The following DMD variants were observed in gnomAD, a reference collection of about 807,000 sequenced individuals.
The protein encoded by DMD is dystrophin, also known as mutant dystrophin.
DMD carries 63 observed loss-of-function variants against 330.1 expected under a neutral mutation model. That is an observed-to-expected ratio of 0.19 (90% CI 0.16 to 0.24). The LOEUF (loss-of-function observed/expected upper bound fraction) is 0.24. Among genes scored for constraint, DMD ranks in the 10% least tolerant of loss-of-function variants. The probability of loss-of-function intolerance (pLI) is 1.00; values close to 1 mark genes in which losing one functional copy is unlikely to be tolerated. For synonymous variants in DMD, 1,223 were observed against 959.8 expected (o/e 1.27, Z -5.07); for missense variants, 3,344 against 2,684.1 (o/e 1.25, Z -5.43).
chrX:31,731,508 G>A (rs1603452526), intron 51 of DMD, among the ~76,000 whole-genome samples: 1 of 111,804 alleles, frequency 8.9e-6, no homozygotes, highest in African/African-American at 3.2e-5. Context: ...CTCAGATGAA[G>A]TCAAATTTTC....
chrX:31,217,507 C>A (rs751901985), intron 64 of DMD, among the ~76,000 whole-genome samples: 26 of 112,202 alleles, frequency 2.3e-4, no homozygotes, highest in African/African-American at 8.1e-4. Flanking sequence ...AAACTCTTCA[C>A]TGGCACCAGG....
At chrX:31,619,158 C>T (rs1237787711) in intron 55 of DMD, among the ~76,000 whole-genome samples, 1 of 111,285 alleles carries the variant, frequency 9.0e-6, no homozygotes, top group East Asian at 2.8e-4. Context: ...GAAAAGTAAA[C>T]ATTTATTGTG....
chrX:32,649,859 A>G (rs1018023425), intron 9 of DMD, among the ~76,000 whole-genome samples: 1 of 111,305 alleles, frequency 9.0e-6, no homozygotes, highest in Non-Finnish European at 1.9e-5. Flanking sequence ...TACCCCATCT[A>G]TAAAACAAGA....
chrX:31,961,497 A>G (rs1480236675), intron 45 of DMD, among the ~76,000 whole-genome samples: 2 of 111,905 alleles, frequency 1.8e-5, no homozygotes, highest in African/African-American at 6.5e-5. Context: ...CTCTGCCCTC[A>G]TGAAGCTTTT....
intron 77 of DMD, among the ~76,000 whole-genome samples, chrX:31,126,948 A>G (rs2033802789): frequency 9.0e-6 from 1 of 111,713 alleles, no homozygotes; most frequent in African/African-American, 3.3e-5. Context: ...TCACGCATTA[A>G]ACTGGATGAA....
intron 43 of DMD, among the ~76,000 whole-genome samples, chrX:32,281,227 T>A (rs902312528): frequency 4.5e-5 from 5 of 111,726 alleles, no homozygotes; most frequent in Non-Finnish European, 9.4e-5. Context: ...TGGAAAATAC[T>A]TTCTCTAAAG....
chrX:31,587,211 G>A (rs2076651666), intron 55 of DMD, among the ~76,000 whole-genome samples: 1 of 111,309 alleles, frequency 9.0e-6, no homozygotes, highest in Admixed American at 9.5e-5. Context: ...GTTGTTCGAA[G>A]GAAACACAAT....
At chrX:33,288,000 C>G (rs111440885) in intron 1 of DMD, among the ~76,000 whole-genome samples, 1 of 111,692 alleles carries the variant, frequency 9.0e-6, no homozygotes, top group East Asian at 2.8e-4. Flanking sequence ...AGTGAAAGAG[C>G]CTCCTCGAGG....
At chrX:32,841,350 T>C (rs754868083) in intron 4 of DMD, among the ~76,000 whole-genome samples, 1 of 111,854 alleles carries the variant, frequency 8.9e-6, no homozygotes, top group East Asian at 2.8e-4. Context: ...AATGTACATG[T>C]AAATGGAAAA....
chrX:32,657,601 G>T (rs1376975065), intron 9 of DMD, among the ~76,000 whole-genome samples: 2 of 111,975 alleles, frequency 1.8e-5, no homozygotes, highest in African/African-American at 6.5e-5. Context: ...GATTCATGAA[G>T]TCCAGAGAAG....
At chrX:31,601,297 G>A (rs2077357056) in intron 55 of DMD, among the ~76,000 whole-genome samples, 1 of 112,106 alleles carries the variant, frequency 8.9e-6, no homozygotes. Context: ...CAATAATCAT[G>A]TTGTAAATAA....
chrX:31,335,633 G>T (rs1292430389), intron 61 of DMD, among the ~76,000 whole-genome samples: 1 of 111,821 alleles, frequency 8.9e-6, no homozygotes, highest in Non-Finnish European at 1.9e-5. Context: ...TCATGAGGTT[G>T]GACACCTTAA....
intron 29 of DMD, among the ~76,000 whole-genome samples, chrX:32,413,088 C>A (rs16990323): frequency 1.8e-5 from 2 of 110,527 alleles, no homozygotes; most frequent in East Asian, 2.9e-4. Flanking sequence ...AGATTTTATC[C>A]TGGGCTTTCC....
intron 12 of DMD, among the ~76,000 whole-genome samples, chrX:32,600,598 G>GCACGCA (rs1556840611): frequency 1.0e-5 from 1 of 95,290 alleles, no homozygotes; most frequent in African/African-American, 3.8e-5. Context: ...ACACGCACAC[G>GCACGCA]CACACACACA....
chrX:32,158,572 T>C (rs2096838362), intron 44 of DMD, among the ~76,000 whole-genome samples: 1 of 111,545 alleles, frequency 9.0e-6, no homozygotes, highest in Non-Finnish European at 1.9e-5. Context: ...AACACTGTTA[T>C]TCTTCCAAAT....
At chrX:32,369,642 C>T (rs1029709521) in intron 34 of DMD, among the ~76,000 whole-genome samples, 2 of 111,158 alleles carry the variant, frequency 1.8e-5, no homozygotes, top group African/African-American at 6.5e-5. Context: ...TTCTCTCCTC[C>T]ACCCATTTCG....
intron 52 of DMD, among the ~76,000 whole-genome samples, chrX:31,711,640 GT>G (rs989030992): frequency 7.0e-4 from 73 of 103,689 alleles, no homozygotes; most frequent in African/African-American, 2.0e-3. Context: ...TTATTGCCAA[GT>G]TTTTTTTTTT....
intron 7 of DMD, among the ~76,000 whole-genome samples, chrX:32,719,696 T>G (rs2147882792): frequency 8.9e-6 from 1 of 111,739 alleles, no homozygotes; most frequent in South Asian, 3.7e-4. Flanking sequence ...CTTATTTAAG[T>G]TATTTTCACT....
At chrX:32,733,024 T>G (rs190265875) in intron 7 of DMD, among the ~76,000 whole-genome samples, 6 of 109,760 alleles carry the variant, frequency 5.5e-5, no homozygotes, top group Non-Finnish European at 1.1e-4. Context: ...ACCCATCTCA[T>G]GTGCAGAGAC....
Sources: gnomAD v4.1 joint callset for allele counts (sites outside exome capture counted in the v4.1 genomes callset) on GRCh38, gnomAD v4.1.1 for gene constraint, MANE v1.5 for transcripts, NCBI Gene and HGNC (gene_info 2026-07-23, HGNC 2026-07-21) for gene names.